Variants in CHSY1 observed in about 807,000 individuals in gnomAD.
CHSY1 encodes chondroitin sulfate synthase 1.
A neutral mutation model predicts 59.8 loss-of-function variants in CHSY1; 13 were observed. The ratio of observed to expected loss-of-function variants is 0.22; its 90% CI spans 0.14 to 0.35. The LOEUF (loss-of-function observed/expected upper bound fraction) is 0.35, where lower values mean the gene tolerates loss of function less well. Among genes scored for constraint, CHSY1 ranks in the 10% least tolerant of loss-of-function variants. The pLI is 1.00. For missense variants in CHSY1, 947 were observed against 1,030.6 expected (o/e 0.92, Z 1.11); for synonymous variants, 459 against 401.2 (o/e 1.14, Z -1.72).
chr15:101,205,542 T>C (rs1397566309), intron 2 of CHSY1, among the ~76,000 whole-genome samples: 4 of 152,250 alleles, frequency 2.6e-5, no homozygotes, highest in Non-Finnish European at 5.9e-5. Context: ...TGAAGAGTAC[T>C]GTGATCACAA....
In CHSY1 at chr15:101,235,244, G is replaced by A. The variant is rs772881207; in HGVS notation, c.654C>T (p.Phe218=). The A allele has an allele frequency of 5.0e-5, 81 of 1,614,038 alleles. No homozygotes were observed. The highest frequency in any genetic ancestry group is 6.9e-5 in the Non-Finnish European group (81 of 1,180,034). ...TGATCACGCCAGGCCCCCCCATGCA[G>A]AAGTTCTCACCAGGCTCCAGGGCCA... ...GKLALEPGEN[F]CMGGPGVIMS... The change falls in exon 2 of 3, where the codon TTC becomes TTT. Residue 218 remains phenylalanine (F), a synonymous_variant. Transcript: ENST00000254190.
intron 2 of CHSY1, among the ~76,000 whole-genome samples, chr15:101,234,751 T>C (rs2038923947): frequency 1.3e-5 from 2 of 151,924 alleles, no homozygotes; most frequent in African/African-American, 4.8e-5. Flanking sequence ...CCTATAATCC[T>C]AGCTACTCGG....
At chr15:101,188,813 T>C (rs1241453039) in intron 2 of CHSY1, among the ~76,000 whole-genome samples, 1 of 152,220 alleles carries the variant, frequency 6.6e-6, no homozygotes, top group East Asian at 1.9e-4. Context: ...GAACATTCCA[T>C]GTCTACATCA....
intron 2 of CHSY1, among the ~76,000 whole-genome samples, chr15:101,230,616 T>C (rs1401593780): frequency 6.6e-6 from 1 of 152,236 alleles, no homozygotes; most frequent in African/African-American, 2.4e-5. Flanking sequence ...GCTTCTGGTA[T>C]ATGGATGTTC....
intron 1 of CHSY1, among the ~76,000 whole-genome samples, chr15:101,238,681 T>C (rs1469465179): frequency 1.3e-5 from 2 of 152,354 alleles, no homozygotes; most frequent in South Asian, 2.1e-4. Flanking sequence ...TTAGTGCCTA[T>C]GGATTTAAAA....
At chr15:101,197,680 T>A (rs2038522918) in intron 2 of CHSY1, among the ~76,000 whole-genome samples, 1 of 152,216 alleles carries the variant, frequency 6.6e-6, no homozygotes, top group South Asian at 2.1e-4. Flanking sequence ...GTATATAATG[T>A]TAAATTACTA....
chr15:101,219,793 T>G (rs1275621849), intron 2 of CHSY1, among the ~76,000 whole-genome samples: 1 of 152,164 alleles, frequency 6.6e-6, no homozygotes, highest in African/African-American at 2.4e-5. Context: ...TGAGATGGAG[T>G]TTCGCTCGTT....
intron 2 of CHSY1, among the ~76,000 whole-genome samples, chr15:101,193,857 T>C (rs1206755931): frequency 6.6e-6 from 1 of 152,210 alleles, no homozygotes; most frequent in African/African-American, 2.4e-5. Flanking sequence ...AAACCTGCTC[T>C]CTTGGCCATG....
At chr15:101,234,845 A>T (rs1244592468) in intron 2 of CHSY1, among the ~76,000 whole-genome samples, 1 of 152,116 alleles carries the variant, frequency 6.6e-6, no homozygotes, top group Non-Finnish European at 1.5e-5. Context: ...CCAGCCTGGG[A>T]GACAGAGCAA....
At position 101,177,996 on chromosome 15, in the gene CHSY1, T is replaced by C. The variant is rs1310480444; in HGVS notation, c.1801A>G (p.Ile601Val). 4 of 1,614,022 alleles carry C rather than the reference T, an allele frequency of 2.5e-6. No homozygotes were observed. Among genetic ancestry groups the C allele is most frequent in the East Asian group, 4.5e-5 (2 of 44,896 alleles). ...GAAAACTCTCCAGACACAGGCAAAA[T>C]CTGCATGTCGGCTTTAGGGTACTTA... ...RIKYPKADMQ[I>V]LPVSGEFSRA... Residue 601 changes from isoleucine to valine, a missense_variant, in exon 3 of 3, where the codon ATT (isoleucine) becomes GTT (valine). Physicochemically the swap from Ile to Val is conservative, Grantham distance 29. This residue lies in a region of CHSY1 where 602 missense variants were observed against 676.9 expected (regional missense o/e 0.89). Transcript: ENST00000254190.
rs190245147 is a variant in CHSY1, at chr15:101,207,814, T to G, written c.816+27268A>C. Among the ~76,000 whole-genome samples, 3 of 152,172 alleles carry G rather than the reference T, an allele frequency of 2.0e-5. No individual in the cohort carries two copies. In the East Asian group the frequency reaches 5.8e-4, roughly 29 times the overall value. ...TTGAAAAGCTTATTTCAAGATGGAGTTAGGCTTCTTGCCCCTGCCCCACCC... is the reference window on the plus strand; with the variant it reads ...TTGAAAAGCTTATTTCAAGATGGAGGTAGGCTTCTTGCCCCTGCCCCACCC... On this transcript the variant is annotated intron_variant, in intron 2 of 2. Coordinates refer to ENST00000254190, the MANE Select transcript of CHSY1 (RefSeq NM_014918.5).
At chr15:101,189,267 G>T (rs746917753) in intron 2 of CHSY1, among the ~76,000 whole-genome samples, 1 of 152,200 alleles carries the variant, frequency 6.6e-6, no homozygotes, top group Admixed American at 6.5e-5. Context: ...TGGCCTCCAC[G>T]CCCGTGCTCT....
At chr15:101,230,429 C>T (rs1428394096) in intron 2 of CHSY1, among the ~76,000 whole-genome samples, 5 of 152,138 alleles carry the variant, frequency 3.3e-5, no homozygotes, top group Non-Finnish European at 7.4e-5. Flanking sequence ...GTGGAGAGAA[C>T]ATTCAAAAAC....
intron 1 of CHSY1, among the ~76,000 whole-genome samples, chr15:101,247,705 C>T (rs1380049457): frequency 6.6e-6 from 1 of 152,192 alleles, no homozygotes; most frequent in Non-Finnish European, 1.5e-5. Context: ...TTTGAAAAAT[C>T]TGTTTCTTGT....
At chr15:101,205,823 C>T (rs923483330) in intron 2 of CHSY1, among the ~76,000 whole-genome samples, 2 of 151,962 alleles carry the variant, frequency 1.3e-5, no homozygotes, top group African/African-American at 4.8e-5. Context: ...TGGTGGTGGG[C>T]GCCCGTAGTC....
Position 101,178,390 on chromosome 15 carries a change from C to T in CHSY1, c.1407G>A (p.Arg469=), listed in dbSNP as rs2141235795. 2 of 1,611,388 alleles carry T rather than the reference C, an allele frequency of 1.2e-6. No individual in the cohort carries two copies. Among genetic ancestry groups the T allele is most frequent in the Middle Eastern group, 1.7e-4 (1 of 6,054 alleles). ...KGKKMTVPVR[R]HAYLQQTFSK... is the part of the protein sequence containing the mutation. The stretch of plus-strand genomic sequence containing the variant: ...TGAAAGTCTGCTGTAAATACGCGTG[C>T]CTCCTCACAGGGACCGTCATTTTCT... Residue 469 remains arginine (R), a synonymous_variant, in exon 3 of 3, where the codon AGG becomes AGA. Coordinates refer to ENST00000254190, the MANE Select transcript of CHSY1 (RefSeq NM_014918.5).
intron 1 of CHSY1, among the ~76,000 whole-genome samples, chr15:101,248,765 A>G (rs565781666): frequency 1.3e-5 from 2 of 152,310 alleles, no homozygotes; most frequent in Admixed American, 6.5e-5. Flanking sequence ...CAGTAGTTCT[A>G]GTTTGCATTA....
intron 2 of CHSY1, among the ~76,000 whole-genome samples, chr15:101,199,253 C>T (rs1488553291): frequency 6.6e-6 from 1 of 152,216 alleles, no homozygotes; most frequent in Admixed American, 6.5e-5. Context: ...CCTGTAATCC[C>T]TGCACTTTGG....
At chr15:101,244,090 A>G (rs1247878562) in intron 1 of CHSY1, among the ~76,000 whole-genome samples, 2 of 152,234 alleles carry the variant, frequency 1.3e-5, no homozygotes, top group African/African-American at 4.8e-5. Context: ...TGCTGCAGCT[A>G]TAAATGCTTC....
Sources: allele counts gnomAD v4.1 joint callset (sites outside exome capture counted in the v4.1 genomes callset), GRCh38; gene constraint gnomAD v4.1.1; regional missense constraint gnomAD v4.1.1; transcripts MANE v1.5; gene names NCBI Gene and HGNC (gene_info 2026-07-23, HGNC 2026-07-21).